Variants in ITGA1 observed in about 807,000 individuals in gnomAD.
The protein encoded by ITGA1 is integrin subunit alpha 1.
A neutral mutation model predicts 145.9 loss-of-function variants in ITGA1; 85 were observed. That is an observed-to-expected ratio of 0.58 (90% CI 0.49 to 0.70). The LOEUF is 0.70. ITGA1 is among the 30% of genes least tolerant of loss of function. The pLI is 0.00. For missense variants in ITGA1, 1,351 were observed against 1,418.7 expected, an observed-to-expected ratio of 0.95 and a Z score of 0.77; for synonymous variants, 520 against 495.3, an observed-to-expected ratio of 1.05 and a Z score of -0.66.
At chr5:52,796,607 T>A (rs1246994530) in intron 1 of ITGA1, among the ~76,000 whole-genome samples, 1 of 152,028 alleles carries the variant, frequency 6.6e-6, no homozygotes, top group African/African-American at 2.4e-5. Context: ...TATAAGTAAG[T>A]GCCTTAAGAA....
At chr5:52,923,529 A>T (rs1292911912) in intron 18 of ITGA1, among the ~76,000 whole-genome samples, 3 of 152,224 alleles carry the variant, frequency 2.0e-5, no homozygotes, top group Non-Finnish European at 4.4e-5. Flanking sequence ...AGAAAATAGT[A>T]AACTTTCTCA....
intron 1 of ITGA1, among the ~76,000 whole-genome samples, chr5:52,793,300 A>G (rs991164469): frequency 1.2e-4 from 18 of 152,212 alleles, no homozygotes; most frequent in African/African-American, 4.3e-4. Context: ...GACTATTGAC[A>G]AACTCAGAAA....
Position 52,944,975 on chromosome 5 carries a change from G to A in ITGA1, c.3318G>A (p.Arg1106=). Residue 1106 remains arginine (R), a synonymous_variant, in exon 27 of 29, where the codon AGG becomes AGA. Transcript: ENST00000282588. ...SYFSSLNLTI[R]GELRSENASL... Reference sequence around the variant, plus strand: ...TTTCCAGCTTAAATCTTACTATAAGGGGAGAACTTCGGAGTGAAAATGCAT... The same window carrying A: ...TTTCCAGCTTAAATCTTACTATAAGAGGAGAACTTCGGAGTGAAAATGCAT... 6.2e-7 allele frequency: 1 copy of A among 1,613,082 alleles called. No homozygotes were observed. Among genetic ancestry groups the A allele is most frequent in the Middle Eastern group, 1.7e-4 (1 of 6,058 alleles).
At position 52,865,065 on chromosome 5, in the gene ITGA1, C is replaced by G; in HGVS notation, c.479C>G (p.Ser160Cys). The G allele has an allele frequency of 3.1e-6, 5 of 1,612,128 alleles. No individual in the cohort carries two copies. The highest frequency in any genetic ancestry group is 4.2e-6 in the Non-Finnish European group (5 of 1,178,494). Residue 160 changes from serine to cysteine, a missense_variant, in exon 5 of 29, where the codon TCC (serine) becomes TGC (cysteine). Ser to Cys is a moderately radical substitution (Grantham distance 112). Coordinates refer to ENST00000282588, the MANE Select transcript of ITGA1 (RefSeq NM_181501.2). ...DVSPTFQVVN[S>C]IAPVQECSTQ... ...AGCCCCACATTTCAAGTCGTGAATTCCATTGCCCCTGTACAAGGTACAGAT... is the reference window on the plus strand; with the variant it reads ...AGCCCCACATTTCAAGTCGTGAATTGCATTGCCCCTGTACAAGGTACAGAT...
At chr5:52,798,756 T>C (rs562351404) in intron 1 of ITGA1, among the ~76,000 whole-genome samples, 2 of 152,312 alleles carry the variant, frequency 1.3e-5, no homozygotes, top group African/African-American at 4.8e-5. Context: ...GGGGTGACTG[T>C]ACCTGAAAAC....
intron 6 of ITGA1, 41 bp downstream of exon 6, chr5:52,865,858 A>G: frequency 6.7e-7 from 1 of 1,481,814 alleles, no homozygotes; most frequent in Non-Finnish European, 9.0e-7. Context: ...TTCTAAAGAT[A>G]AAAATGCACA....
intron 19 of ITGA1, among the ~76,000 whole-genome samples, chr5:52,925,898 AT>A (rs1421223371): frequency 6.6e-6 from 1 of 152,136 alleles, no homozygotes; most frequent in Non-Finnish European, 1.5e-5. Context: ...TCTATGCAAA[AT>A]CCTTACTTTG....
intron 11 of ITGA1, among the ~76,000 whole-genome samples, chr5:52,899,030 G>GA (rs545645793): frequency 6.6e-6 from 1 of 152,000 alleles, no homozygotes. Flanking sequence ...TCCCCTCACT[G>GA]AAAAAAGATA....
chr5:52,878,166 C>G (rs1293253707), intron 6 of ITGA1, among the ~76,000 whole-genome samples: 2 of 152,110 alleles, frequency 1.3e-5, no homozygotes, highest in Non-Finnish European at 2.9e-5. Context: ...CTCCCAGACA[C>G]TCCTGGTTTT....
At chr5:52,798,174 T>C (rs1338815993) in intron 1 of ITGA1, among the ~76,000 whole-genome samples, 1 of 152,242 alleles carries the variant, frequency 6.6e-6, no homozygotes, top group African/African-American at 2.4e-5. Flanking sequence ...ATTAGTTCTT[T>C]GCTTAGTGAA....
chr5:52,796,747 A>G (rs749389175), intron 1 of ITGA1, among the ~76,000 whole-genome samples: 56 of 152,120 alleles, frequency 3.7e-4, no homozygotes, highest in Non-Finnish European at 6.8e-4. Flanking sequence ...GAGTATAAAG[A>G]TAAATCCTTC....
At chr5:52,864,652 G>T in intron 3 of ITGA1, 111 bp from the exon 4 acceptor site, 1 of 659,588 alleles carries the variant, frequency 1.5e-6, no homozygotes, top group Non-Finnish European at 2.6e-6. Context: ...TGAACCAAAA[G>T]AAGAATGTGC....
At position 52,893,751 on chromosome 5, in the gene ITGA1, C is replaced by T; in HGVS notation, c.1001C>T (p.Pro334Leu). The T allele has an allele frequency of 6.2e-7, 1 of 1,612,460 alleles. No homozygotes were observed. Among genetic ancestry groups the T allele is most frequent in the Non-Finnish European group, 8.5e-7 (1 of 1,178,868 alleles). Reference sequence around the variant, plus strand: ...GAAATAAAATCAATTGCAAGTGAACCCACTGAAAAGCATTTCTTCAATGTC... The same window carrying T: ...GAAATAAAATCAATTGCAAGTGAACTCACTGAAAAGCATTTCTTCAATGTC... ...VEEIKSIASE[P>L]TEKHFFNVSD... Residue 334 changes from proline (P) to leucine (L), a missense_variant, in exon 9 of 29, where the codon CCC becomes CTC. By Grantham distance (98) the Pro-to-Leu change is moderately conservative. Transcript: ENST00000282588.
At chr5:52,869,664 A>G (rs561619270) in intron 6 of ITGA1, among the ~76,000 whole-genome samples, 2 of 152,326 alleles carry the variant, frequency 1.3e-5, no homozygotes, top group South Asian at 2.1e-4. Flanking sequence ...TAAGTCCTCA[A>G]TGAGCACTTG....
At chr5:52,932,181 C>A in intron 22 of ITGA1, 45 bp downstream of exon 22, 1 of 1,222,566 alleles carries the variant, frequency 8.2e-7, no homozygotes, top group Non-Finnish European at 1.2e-6. Context: ...TCTATTAACC[C>A]AGTGGTTCTG....
chr5:52,801,475 C>T (rs1224394979), intron 1 of ITGA1: 2 of 1,613,914 alleles, frequency 1.2e-6, no homozygotes, highest in Non-Finnish European at 1.7e-6. Flanking sequence ...TGTGGCTAGC[C>T]GCCTTTCAGA....
chr5:52,931,410 A>G (rs1267532335), intron 21 of ITGA1: 1 of 152,150 alleles, frequency 6.6e-6, no homozygotes, highest in Non-Finnish European at 1.5e-5. Context: ...TATCATTTGT[A>G]TGTGTTTTCT....
chr5:52,846,903 T>C (rs1381656901), intron 1 of ITGA1, among the ~76,000 whole-genome samples: 2 of 152,220 alleles, frequency 1.3e-5, no homozygotes, highest in Admixed American at 6.5e-5. Flanking sequence ...TTAACTAAGA[T>C]GAAATAGTTG....
intron 24 of ITGA1, 124 bp downstream of exon 24, chr5:52,937,638 A>G (rs1246792626): frequency 1.5e-6 from 1 of 669,260 alleles, no homozygotes; most frequent in Non-Finnish European, 2.7e-6. Flanking sequence ...AGAGGTATTT[A>G]GATAATTAAA....
Sources: allele counts gnomAD v4.1 joint callset (sites outside exome capture counted in the v4.1 genomes callset), GRCh38; gene constraint gnomAD v4.1.1; transcripts MANE v1.5; gene names NCBI Gene and HGNC (gene_info 2026-07-23, HGNC 2026-07-21).